Variants in GNB4 observed in about 807,000 individuals in gnomAD.
The protein encoded by GNB4 is G protein subunit beta 4.
GNB4 carries 28 observed loss-of-function variants against 45.2 expected under a neutral mutation model. The ratio of observed to expected loss-of-function variants is 0.62; its 90% confidence interval spans 0.46 to 0.85. GNB4 has a LOEUF of 0.85. Among genes scored for constraint, GNB4 ranks in the 40% least tolerant of loss-of-function variants. The pLI, the probability that GNB4 is intolerant of heterozygous loss-of-function variation, is 0.00. For missense variants in GNB4, 321 were observed against 425.4 expected, an observed-to-expected ratio of 0.75 and a Z score of 2.16; for synonymous variants, 132 against 143.7, an observed-to-expected ratio of 0.92 and a Z score of 0.58.
At chr3:179,483,111 C>A in the GNB4 span, among the ~76,000 whole-genome samples, 1 of 152,140 alleles carries the variant, frequency 6.6e-6, no homozygotes, top group African/African-American at 2.4e-5. Context: ...TCCTTTCTAT[C>A]TAAAGGACAA....
chr3:179,514,645 G>A, the GNB4 span, among the ~76,000 whole-genome samples: 1 of 152,136 alleles, frequency 6.6e-6, no homozygotes, highest in South Asian at 2.1e-4. Context: ...TGTCCTATAC[G>A]AAGAAGAAGA....
chr3:179,413,899 T>C, intron 6 of GNB4, 118 bp from the exon 7 acceptor site: 1 of 721,300 alleles, frequency 1.4e-6, no homozygotes, highest in South Asian at 1.8e-5. Flanking sequence ...TGTTTGTCAA[T>C]ATAGTCTATA....
intron 8 of GNB4, among the ~76,000 whole-genome samples, chr3:179,410,884 G>A (rs1158035783): frequency 1.3e-5 from 2 of 152,100 alleles, no homozygotes; most frequent in Non-Finnish European, 2.9e-5. Context: ...ATAGCTGTAA[G>A]CCAATAAATA....
chr3:179,522,061 TTAATA>T, the GNB4 span, among the ~76,000 whole-genome samples: 1 of 152,146 alleles, frequency 6.6e-6, no homozygotes, highest in African/African-American at 2.4e-5. Flanking sequence ...ATTTTTCTTA[TTAATA>T]TAAGAAGACA....
the GNB4 span, among the ~76,000 whole-genome samples, chr3:179,480,827 T>A: frequency 6.6e-6 from 1 of 151,492 alleles, no homozygotes; most frequent in East Asian, 1.9e-4. Context: ...TAGGACTCAA[T>A]GCAAACTGAT....
intron 9 of GNB4, among the ~76,000 whole-genome samples, chr3:179,403,800 A>AAAAATAAAATAAAAT (rs3976513): frequency 6.7e-6 from 1 of 148,554 alleles, no homozygotes; most frequent in African/African-American, 2.5e-5. Context: ...TCCGTCTCAA[A>AAAAATAAAATAAAAT]AAAATAAAAT....
At position 179,401,211 on chromosome 3, in the gene GNB4, T is replaced by C; in HGVS notation, c.*2A>G. 6.2e-7 allele frequency: 1 copy of C among 1,602,564 alleles called. No individual in the cohort carries two copies. The highest frequency in any genetic ancestry group is 1.7e-5 in the Admixed American group (1 of 59,822). ...AATGGAGAACAAATATGTATGACAC[T>C]GTTAATTCCAGATTCTAAGAAAACT... is the stretch of plus-strand genomic sequence containing the variant. On this transcript the variant is annotated 3_prime_UTR_variant, in exon 10 of 10. Transcript: ENST00000232564.
intron 1 of GNB4, among the ~76,000 whole-genome samples, chr3:179,433,440 A>G (rs1035439238): frequency 1.3e-5 from 2 of 152,134 alleles, no homozygotes; most frequent in African/African-American, 4.8e-5. Flanking sequence ...AAGATCAACT[A>G]TAAGAGCTAG....
At chr3:179,418,470 CAAA>C (rs386356535) in intron 4 of GNB4, among the ~76,000 whole-genome samples, 6 of 95,394 alleles carry the variant, frequency 6.3e-5, no homozygotes, top group Admixed American at 1.2e-4. Flanking sequence ...AACTCTGTCT[CAAA>C]AAAAAAAAAA....
the GNB4 span, among the ~76,000 whole-genome samples, chr3:179,463,963 G>C: frequency 2.0e-5 from 3 of 152,154 alleles, no homozygotes; most frequent in Non-Finnish European, 4.4e-5. Flanking sequence ...TTTGCTAAAG[G>C]AATAGATCTT....
chr3:179,497,887 A>G, the GNB4 span, among the ~76,000 whole-genome samples: 28 of 152,102 alleles, frequency 1.8e-4, no homozygotes, highest in Admixed American at 1.8e-3. Flanking sequence ...ATCAAAAAGC[A>G]AAAAAACAAG....
chr3:179,504,805 G>A, the GNB4 span, among the ~76,000 whole-genome samples: 4 of 152,274 alleles, frequency 2.6e-5, no homozygotes, highest in South Asian at 8.3e-4. Flanking sequence ...GCTTTCTTAA[G>A]GCATCTTCAT....
At chr3:179,414,395 A>G (rs1205790924) in intron 6 of GNB4, among the ~76,000 whole-genome samples, 1 of 152,200 alleles carries the variant, frequency 6.6e-6, no homozygotes, top group South Asian at 2.1e-4. Flanking sequence ...AAAAATTCAG[A>G]TGGATAGATA....
the GNB4 span, among the ~76,000 whole-genome samples, chr3:179,456,999 T>C: frequency 2.6e-5 from 4 of 152,336 alleles, no homozygotes; most frequent in East Asian, 7.7e-4. Context: ...CTTCAGACTC[T>C]ACTTAGGAGG....
chr3:179,462,174 A>ATG, the GNB4 span, among the ~76,000 whole-genome samples: 33,049 of 150,386 alleles, frequency 0.22, 4,110 homozygotes, highest in African/African-American at 0.35. Flanking sequence ...GTGTGTGCAC[A>ATG]TGTGTGTGTG....
At chr3:179,428,284 CT>C (rs1715202945) in intron 1 of GNB4, among the ~76,000 whole-genome samples, 1 of 126,656 alleles carries the variant, frequency 7.9e-6, no homozygotes, top group Admixed American at 8.9e-5. Flanking sequence ...GCATATTTCT[CT>C]GTTTATCCAA....
At chr3:179,472,372 T>TTC in the GNB4 span, among the ~76,000 whole-genome samples, 15 of 4,342 alleles carry the variant, frequency 3.5e-3, no homozygotes, top group East Asian at 0.5. Flanking sequence ...CTTTCTTTCT[T>TTC]TTTTTTTTTT....
chr3:179,489,046 A>AT, the GNB4 span, among the ~76,000 whole-genome samples: 426 of 38,556 alleles, frequency 0.011, 31 homozygotes, highest in Middle Eastern at 0.1. Flanking sequence ...ATATATATAT[A>AT]ATATATATGT....
intron 9 of GNB4, among the ~76,000 whole-genome samples, chr3:179,402,369 T>C (rs758968544): frequency 6.6e-6 from 1 of 152,232 alleles, no homozygotes; most frequent in Admixed American, 6.5e-5. Context: ...TGGATACTAA[T>C]TGTTTCAATC....
Sources: gnomAD v4.1 joint callset for allele counts (sites outside exome capture counted in the v4.1 genomes callset) on GRCh38, gnomAD v4.1.1 for gene constraint, MANE v1.5 for transcripts, NCBI Gene and HGNC (gene_info 2026-07-23, HGNC 2026-07-21) for gene names.